The following SLC25A26 variants were observed in gnomAD, a reference collection of about 807,000 sequenced individuals.
The protein encoded by SLC25A26 is mitochondrial S-adenosylmethionine carrier protein.
SLC25A26 carries 36 observed loss-of-function variants against 37.8 expected under a neutral mutation model. The ratio of observed to expected loss-of-function variants is 0.95; its 90% CI spans 0.73 to 1.26. SLC25A26 has a LOEUF of 1.26. SLC25A26 is among the 50% of genes most tolerant of loss of function. The probability of loss-of-function intolerance (pLI) is 0.00; values close to 1 mark genes in which losing one functional copy is unlikely to be tolerated. For missense variants in SLC25A26, 390 were observed against 331.1 expected (o/e 1.18, Z -1.38); for synonymous variants, 129 against 122.5 (o/e 1.05, Z -0.35).
At chr3:66,279,593 G>A (rs1235291482) in intron 5 of SLC25A26, among the ~76,000 whole-genome samples, 1 of 152,110 alleles carries the variant, frequency 6.6e-6, no homozygotes, top group Non-Finnish European at 1.5e-5. Context: ...AAAGACAGCC[G>A]ATGATAACCA....
chr3:66,209,904 A>T (rs1330153022), intron 1 of SLC25A26, among the ~76,000 whole-genome samples: 1,109 of 17,830 alleles, frequency 0.062, 21 homozygotes, highest in Middle Eastern at 0.1. Context: ...CTATTTATAT[A>T]TATATATATA....
intron 1 of SLC25A26, among the ~76,000 whole-genome samples, chr3:66,148,434 G>A (rs1326839605): frequency 6.6e-6 from 1 of 152,190 alleles, no homozygotes; most frequent in Non-Finnish European, 1.5e-5. Flanking sequence ...GGGGCTGACA[G>A]GACCATGGCG....
At position 66,244,359 on chromosome 3, in the gene SLC25A26, A is replaced by G. The variant is rs186508210; in HGVS notation, c.300+1047A>G. ...AAAACTGACAGAATTTTATGGAGAA[A>G]TGAAGAAAACTGTAGTCTTAGTTGG... On this transcript the variant is annotated intron_variant, in intron 3 of 9. Transcript: ENST00000354883. Among the ~76,000 whole-genome samples, 3 of 152,344 alleles carry G rather than the reference A, an allele frequency of 2.0e-5. No individual in the cohort carries two copies. In the East Asian group the frequency reaches 5.8e-4, roughly 29 times the overall value.
intron 5 of SLC25A26, among the ~76,000 whole-genome samples, chr3:66,273,981 A>G (rs531799948): frequency 1.5e-4 from 23 of 151,960 alleles, no homozygotes; most frequent in African/African-American, 5.1e-4. Flanking sequence ...GAGGCATCAC[A>G]CTACCTGACT....
At position 66,161,479 on chromosome 3, in the gene SLC25A26, C is replaced by T. The variant is rs139374741; in HGVS notation, c.-354+27495C>T. 1.9e-3 allele frequency among the ~76,000 whole-genome samples: 292 copies of T among 152,196 alleles called. 1 individual carries two copies. Among genetic ancestry groups the T allele is most frequent in the African/African-American group, 6.7e-3 (277 of 41,510 alleles). On this transcript the variant is annotated intron_variant, in intron 1 of 10. Coordinates refer to the SLC25A26 transcript ENST00000676754. ...GAAGCAAGAGAAATAATGGGAAACC[C>T]ACTAGAAATGTTTCTCTGACTGCTA...
At chr3:66,230,502 A>C (rs1430612826) in intron 1 of SLC25A26, among the ~76,000 whole-genome samples, 4 of 151,952 alleles carry the variant, frequency 2.6e-5, no homozygotes, top group Non-Finnish European at 5.9e-5. Context: ...GCAGGAGACA[A>C]GGATAAGAAG....
chr3:66,230,529 C>CGT (rs2071964693), intron 1 of SLC25A26, among the ~76,000 whole-genome samples: 1 of 151,880 alleles, frequency 6.6e-6, no homozygotes, highest in Non-Finnish European at 1.5e-5. Context: ...TTAGGCCGGG[C>CGT]GTGGTGGCTT....
intron 1 of SLC25A26, among the ~76,000 whole-genome samples, chr3:66,221,445 C>CTA (rs2106870294): frequency 6.6e-6 from 1 of 152,312 alleles, no homozygotes; most frequent in African/African-American, 2.4e-5. Context: ...TGTAACTACT[C>CTA]TAGAGATCTT....
chr3:66,260,197 A>AC (rs1328184117), intron 3 of SLC25A26, among the ~76,000 whole-genome samples: 2 of 150,820 alleles, frequency 1.3e-5, no homozygotes, highest in South Asian at 2.1e-4. Flanking sequence ...CATGCGCCCC[A>AC]CCCCCCTTTT....
rs138281543 is a variant in SLC25A26 at position 66,316,458 on chromosome 3, C to T, written c.454-29906C>T. 4.6e-3 allele frequency among the ~76,000 whole-genome samples: 704 copies of T among 152,272 alleles called. 5 individuals are homozygous for T. Among genetic ancestry groups the T allele is most frequent in the African/African-American group, 0.015 (638 of 41,554 alleles). On this transcript the variant is annotated intron_variant, in intron 5 of 9. Transcript: ENST00000354883. Reference sequence around the variant, plus strand: ...AATATCAGCCCCTAATGTCTTCTGGCTTGTAGGGTTTCTGCTGAGAGGTCT... The same window carrying T: ...AATATCAGCCCCTAATGTCTTCTGGTTTGTAGGGTTTCTGCTGAGAGGTCT...
chr3:66,255,375 A>T (rs2073258093), intron 3 of SLC25A26, among the ~76,000 whole-genome samples: 5 of 152,206 alleles, frequency 3.3e-5, no homozygotes, highest in Admixed American at 2.6e-4. Context: ...CCAAAGGAAG[A>T]AAAATCTTGG....
intron 6 of SLC25A26, among the ~76,000 whole-genome samples, chr3:66,361,699 C>T (rs1346616193): frequency 6.6e-6 from 1 of 152,190 alleles, no homozygotes; most frequent in East Asian, 1.9e-4. Context: ...CACGGTGGCT[C>T]ACACCTGTAA....
At chr3:66,369,631 GC>G in intron 8 of SLC25A26, 89 bp downstream of exon 8, 1 of 1,153,816 alleles carries the variant, frequency 8.7e-7, no homozygotes, top group Non-Finnish European at 1.3e-6. Context: ...AACACAAATG[GC>G]TACCATTTAC....
chr3:66,345,950 T>C (rs897224722), intron 5 of SLC25A26, among the ~76,000 whole-genome samples: 1 of 152,212 alleles, frequency 6.6e-6, no homozygotes, highest in Admixed American at 6.5e-5. Context: ...CCCAGCACTT[T>C]TGGAGGCCAA....
At position 66,157,487 on chromosome 3, in the gene SLC25A26, A is replaced by G. The variant is rs142856357; in HGVS notation, c.-354+23503A>G. ...TTCACTTAACTTCTACAATTATACTATGAGGTAGGTACTATTGTTATCCCC... is the reference window on the plus strand; with the variant it reads ...TTCACTTAACTTCTACAATTATACTGTGAGGTAGGTACTATTGTTATCCCC... On this transcript the variant is annotated intron_variant, in intron 1 of 10. Coordinates refer to the SLC25A26 transcript ENST00000676754. Among the ~76,000 whole-genome samples the G allele has an allele frequency of 3.9e-3, 600 of 152,364 alleles. 7 individuals carry two copies. The highest frequency in any genetic ancestry group is 0.014 in the African/African-American group (573 of 41,590).
At chr3:66,150,049 C>A (rs913739068) in intron 1 of SLC25A26, among the ~76,000 whole-genome samples, 1 of 152,074 alleles carries the variant, frequency 6.6e-6, no homozygotes, top group African/African-American at 2.4e-5. Context: ...GCTCCTAATG[C>A]ATGGATCAAT....
At chr3:66,240,122 T>C (rs1175501273) in intron 2 of SLC25A26, among the ~76,000 whole-genome samples, 1 of 152,202 alleles carries the variant, frequency 6.6e-6, no homozygotes, top group Non-Finnish European at 1.5e-5. Flanking sequence ...AGGCAATTTA[T>C]TGCGGCCATG....
chr3:66,363,246 G>A (rs2076752649), intron 7 of SLC25A26, among the ~76,000 whole-genome samples: 1 of 152,174 alleles, frequency 6.6e-6, no homozygotes. Flanking sequence ...GACTTGCTGT[G>A]GGTGCAGGGC....
At chr3:66,371,266 C>A (rs777243967) in intron 9 of SLC25A26, 41 of 1,549,182 alleles carry the variant, frequency 2.6e-5, no homozygotes, top group Non-Finnish European at 3.4e-5. Flanking sequence ...GAGGGTCGGT[C>A]GGCAGCTGCC....
Sources: gnomAD v4.1 joint callset for allele counts (sites outside exome capture counted in the v4.1 genomes callset) on GRCh38, gnomAD v4.1.1 for gene constraint, MANE v1.5 for transcripts, NCBI Gene and HGNC (gene_info 2026-07-23, HGNC 2026-07-21) for gene names.